Variants in KDM5A observed in about 807,000 individuals in gnomAD.
KDM5A encodes lysine-specific demethylase 5A.
In KDM5A, 42 loss-of-function variants were observed where a neutral mutation model predicts 193.5. The ratio of observed to expected loss-of-function variants is 0.22; its 90% CI spans 0.17 to 0.28. The LOEUF (loss-of-function observed/expected upper bound fraction) is 0.28. Among genes scored for constraint, KDM5A ranks in the 10% least tolerant of loss-of-function variants. The pLI, the probability that KDM5A is intolerant of heterozygous loss-of-function variation, is 1.00. For synonymous variants in KDM5A, 796 were observed against 718.1 expected (o/e 1.11, Z -1.73); for missense variants, 1,692 against 2,055.1 (o/e 0.82, Z 3.42).
intron 3 of KDM5A, among the ~76,000 whole-genome samples, chr12:381,155 C>T (rs999188701): frequency 2.6e-4 from 40 of 152,190 alleles, no homozygotes; most frequent in African/African-American, 8.7e-4. Flanking sequence ...CCACCACGTC[C>T]GGCTAATTTT....
intron 9 of KDM5A, among the ~76,000 whole-genome samples, 162 bp downstream of exon 9, chr12:352,043 G>T (rs1325644119): frequency 7.4e-6 from 1 of 135,284 alleles, no homozygotes; most frequent in Non-Finnish European, 1.5e-5. Flanking sequence ...GGCAGAGGTT[G>T]CAGTGAGCCG....
chr12:304,926 A>G (rs1230277485), intron 24 of KDM5A, among the ~76,000 whole-genome samples: 1 of 152,240 alleles, frequency 6.6e-6, no homozygotes, highest in Non-Finnish European at 1.5e-5. Context: ...TCAAGGAAAA[A>G]GCTAATTATA....
intron 3 of KDM5A, among the ~76,000 whole-genome samples, chr12:368,456 G>T (rs906335846): frequency 6.6e-6 from 1 of 152,158 alleles, no homozygotes; most frequent in Non-Finnish European, 1.5e-5. Flanking sequence ...CCTTGGCCAG[G>T]CGTCGTGGCT....
At chr12:384,626 C>T (rs1454805800) in intron 2 of KDM5A, among the ~76,000 whole-genome samples, 1 of 152,138 alleles carries the variant, frequency 6.6e-6, no homozygotes, top group East Asian at 1.9e-4. Flanking sequence ...AATAAAGAGG[C>T]AAAAGACTTC....
intron 13 of KDM5A, among the ~76,000 whole-genome samples, chr12:329,725 TAC>T (rs1461999293): frequency 6.6e-6 from 1 of 152,150 alleles, no homozygotes; most frequent in East Asian, 1.9e-4. Context: ...AATGAACAGT[TAC>T]AGTCTTTAAA....
intron 10 of KDM5A, among the ~76,000 whole-genome samples, chr12:337,446 G>C (rs1375875354): frequency 6.6e-6 from 1 of 152,072 alleles, no homozygotes; most frequent in African/African-American, 2.4e-5. Context: ...ATTACAGAGA[G>C]AATATACTAG....
At position 319,379 on chromosome 12, in the gene KDM5A, G is replaced by A. The variant is rs144289066; in HGVS notation, c.2542-918C>T. On this transcript the variant is annotated intron_variant, in intron 18 of 27. Transcript: ENST00000399788. ...AACGGTTTGCTTTGGGATATATTTT[G>A]GAGGTAATAGCAGCCAGCACTTGTT... 2.1e-4 allele frequency among the ~76,000 whole-genome samples: 32 copies of A among 152,262 alleles called. No homozygotes were observed. In the East Asian group the frequency reaches 3.3e-3, roughly 16 times the overall value.
At chr12:303,629 T>C (rs1943471555) in intron 24 of KDM5A, among the ~76,000 whole-genome samples, 1 of 152,214 alleles carries the variant, frequency 6.6e-6, no homozygotes, top group South Asian at 2.1e-4. Flanking sequence ...GTTCTGCACA[T>C]GTACCCCAGA....
At chr12:336,871 T>C (rs1565538089) in intron 10 of KDM5A, among the ~76,000 whole-genome samples, 2 of 151,786 alleles carry the variant, frequency 1.3e-5, no homozygotes, top group South Asian at 2.1e-4. Flanking sequence ...AGGTAACATA[T>C]ATAAAATTCC....
At chr12:363,275 T>C (rs1437893180) in intron 4 of KDM5A, among the ~76,000 whole-genome samples, 178 bp from the exon 5 acceptor site, 1 of 152,130 alleles carries the variant, frequency 6.6e-6, no homozygotes, top group Non-Finnish European at 1.5e-5. Context: ...TTGTTAAAAT[T>C]GAAAGCCGAC....
chr12:384,237 G>A (rs1944612425), intron 2 of KDM5A, 84 bp from the exon 3 acceptor site: 2 of 996,120 alleles, frequency 2.0e-6, no homozygotes, highest in Non-Finnish European at 3.2e-6. Flanking sequence ...ACCCCAGGAT[G>A]TGGACCAGTA....
Position 282,010 on chromosome 12 carries a change from A to G in KDM5A, c.*3446T>C. On this transcript the variant is annotated 3_prime_UTR_variant, in exon 28 of 28. Coordinates refer to ENST00000399788, the MANE Select transcript of KDM5A (RefSeq NM_001042603.3). ...GCACAGAAGCGCAGAAGCAAAGCCCAGGCAGAACCATGCTAACCTTACAGC... is the reference window on the plus strand; with the variant it reads ...GCACAGAAGCGCAGAAGCAAAGCCCGGGCAGAACCATGCTAACCTTACAGC... 3.4e-6 allele frequency: 1 copy of G among 298,352 alleles called. No individual in the cohort carries two copies. Among genetic ancestry groups the G allele is most frequent in the Non-Finnish European group, 6.6e-6 (1 of 151,502 alleles). 18.5% of individuals were successfully genotyped at this position (298,352 alleles called of 1,614,324 possible).
At chr12:332,439 T>C (rs1943877534) in intron 12 of KDM5A, among the ~76,000 whole-genome samples, 1 of 152,188 alleles carries the variant, frequency 6.6e-6, no homozygotes, top group African/African-American at 2.4e-5. Flanking sequence ...TCTCAGATTC[T>C]GGTATAAATT....
chr12:336,511 A>G (rs756145248), intron 10 of KDM5A, among the ~76,000 whole-genome samples: 1 of 152,204 alleles, frequency 6.6e-6, no homozygotes, highest in Non-Finnish European at 1.5e-5. Context: ...TTATTACTCA[A>G]TATGTTTTGT....
intron 10 of KDM5A, among the ~76,000 whole-genome samples, chr12:339,329 A>C (rs1200266780): frequency 6.6e-6 from 1 of 152,136 alleles, no homozygotes; most frequent in African/African-American, 2.4e-5. Flanking sequence ...GAGAGTAATA[A>C]ATTTATATAA....
At chr12:336,439 G>A (rs1016650053) in intron 10 of KDM5A, among the ~76,000 whole-genome samples, 2 of 150,592 alleles carry the variant, frequency 1.3e-5, no homozygotes, top group Admixed American at 6.6e-5. Flanking sequence ...AATAAGAAAT[G>A]ACAGATCTAT....
At position 388,162 on chromosome 12, in the gene KDM5A, C is replaced by G; in HGVS notation, c.165+765G>C. On this transcript the variant is annotated intron_variant, in intron 1 of 27. Coordinates refer to ENST00000399788, the MANE Select transcript of KDM5A (RefSeq NM_001042603.3). ...AATGAGTAAAGAAAAACACCTTTGA[C>G]CTTGAGTAATCACTCAACCTCTTGG... is the stretch of plus-strand genomic sequence containing the variant. 3 of 384,550 alleles carry G rather than the reference C, an allele frequency of 7.8e-6. No homozygotes were observed. The East Asian group carries it at 2.2e-4, about 28-fold the overall frequency. 23.8% of individuals were successfully genotyped at this position (384,550 alleles called of 1,614,324 possible).
At chr12:295,157 C>T (rs1339199087) in intron 26 of KDM5A, among the ~76,000 whole-genome samples, 1 of 151,048 alleles carries the variant, frequency 6.6e-6, no homozygotes, top group East Asian at 2.0e-4. Flanking sequence ...GCAGAAATGG[C>T]CTTTTTTTTT....
At chr12:376,443 G>A (rs936407275) in intron 3 of KDM5A, among the ~76,000 whole-genome samples, 1 of 152,230 alleles carries the variant, frequency 6.6e-6, no homozygotes, top group East Asian at 1.9e-4. Context: ...ACAGTGTTAC[G>A]GTGGGAGTGA....
Sources: allele counts gnomAD v4.1 joint callset (sites outside exome capture counted in the v4.1 genomes callset), GRCh38; gene constraint gnomAD v4.1.1; transcripts MANE v1.5; gene names NCBI Gene and HGNC (gene_info 2026-07-23, HGNC 2026-07-21).